Variants in ERG observed in about 807,000 individuals in gnomAD.
The protein encoded by ERG is transcriptional regulator ERG.
Under a neutral mutation model 55.3 loss-of-function variants are expected in ERG, and 9 were observed. The observed-to-expected ratio is 0.16, with a 90% CI of 0.10 to 0.28. The LOEUF (loss-of-function observed/expected upper bound fraction) is 0.28. Among genes scored for constraint, ERG ranks in the 10% least tolerant of loss-of-function variants. The pLI is 1.00. For synonymous variants in ERG, 223 were observed against 237.3 expected, an observed-to-expected ratio of 0.94 and a Z score of 0.55; for missense variants, 434 against 631.6, an observed-to-expected ratio of 0.69 and a Z score of 3.35.
At chr21:38,493,981 C>T (rs967202770) in intron 1 of ERG, among the ~76,000 whole-genome samples, 4 of 152,018 alleles carry the variant, frequency 2.6e-5, no homozygotes, top group East Asian at 3.9e-4. Context: ...GTTACATCCG[C>T]GGGGGGGCGT....
intron 1 of ERG, among the ~76,000 whole-genome samples, chr21:38,490,393 T>G (rs544617596): frequency 6.6e-6 from 1 of 152,356 alleles, no homozygotes; most frequent in Admixed American, 6.5e-5. Flanking sequence ...AGTTCTGGGC[T>G]CTTGCGACTT....
chr21:38,634,070 A>G (rs2060373602), intron 1 of ERG, among the ~76,000 whole-genome samples: 1 of 152,212 alleles, frequency 6.6e-6, no homozygotes, highest in African/African-American at 2.4e-5. Context: ...AACCAATATG[A>G]TAACTCTAAA....
At chr21:38,410,047 A>T (rs193226253) in intron 3 of ERG, among the ~76,000 whole-genome samples, 113 of 152,338 alleles carry the variant, frequency 7.4e-4, no homozygotes, top group Non-Finnish European at 4.9e-4. Context: ...AATTAAATGA[A>T]ATGTTAGGGG....
At chr21:38,628,629 G>C (rs2060339234) in intron 1 of ERG, among the ~76,000 whole-genome samples, 1 of 152,226 alleles carries the variant, frequency 6.6e-6, no homozygotes, top group South Asian at 2.1e-4. Context: ...GAGACCTGCT[G>C]TCTGGAACCT....
chr21:38,516,484 G>A (rs575943183), intron 2 of ERG, among the ~76,000 whole-genome samples: 2 of 151,820 alleles, frequency 1.3e-5, no homozygotes, highest in Admixed American at 1.3e-4. Context: ...CAAATGAAAA[G>A]ACACTGCATG....
At chr21:38,575,883 T>C (rs911035614) in intron 1 of ERG, 4 of 671,496 alleles carry the variant, frequency 6.0e-6, no homozygotes, top group Non-Finnish European at 1.0e-5. Flanking sequence ...CCTAAAGGCA[T>C]CCTCTAGGTA....
intron 2 of ERG, among the ~76,000 whole-genome samples, chr21:38,425,576 G>A (rs536339017): frequency 9.2e-4 from 140 of 152,168 alleles, no homozygotes; most frequent in African/African-American, 2.7e-3. Flanking sequence ...TGTCTAAGGC[G>A]GATTTCCAGA....
chr21:38,613,404 G>A (rs1377789085), intron 1 of ERG, among the ~76,000 whole-genome samples: 1 of 150,640 alleles, frequency 6.6e-6, no homozygotes, highest in African/African-American at 2.5e-5. Context: ...ACTAAAGCAC[G>A]CCCCCTGACC....
At chr21:38,579,657 C>T (rs377199289) in intron 1 of ERG, among the ~76,000 whole-genome samples, 4 of 152,290 alleles carry the variant, frequency 2.6e-5, no homozygotes, top group South Asian at 2.1e-4. Flanking sequence ...GCTTCTCACA[C>T]CGCCACCACC....
chr21:38,520,926 C>T (rs1211809149), intron 2 of ERG, among the ~76,000 whole-genome samples: 1 of 152,070 alleles, frequency 6.6e-6, no homozygotes, highest in Non-Finnish European at 1.5e-5. Flanking sequence ...GTTGAGATAT[C>T]AGTTGGGAGC....
chr21:38,536,472 T>C (rs1430118829), intron 2 of ERG, among the ~76,000 whole-genome samples: 4 of 152,178 alleles, frequency 2.6e-5, no homozygotes, highest in Non-Finnish European at 5.9e-5. Flanking sequence ...AGTGAAGCCC[T>C]CCTCTGGGAC....
intron 1 of ERG, among the ~76,000 whole-genome samples, chr21:38,604,484 TTAAA>T (rs2060185207): frequency 6.6e-6 from 1 of 152,202 alleles, no homozygotes; most frequent in African/African-American, 2.4e-5. Flanking sequence ...TTTTGAGTTT[TTAAA>T]TAATTGTTTA....
At chr21:38,613,340 T>C (rs2060239689) in intron 1 of ERG, among the ~76,000 whole-genome samples, 1 of 152,228 alleles carries the variant, frequency 6.6e-6, no homozygotes, top group African/African-American at 2.4e-5. Flanking sequence ...GTCTTCTAAG[T>C]GACTAGACTA....
intron 3 of ERG, among the ~76,000 whole-genome samples, chr21:38,406,006 T>G (rs1988745638): frequency 6.6e-6 from 1 of 151,350 alleles, no homozygotes; most frequent in Non-Finnish European, 1.5e-5. Context: ...CAAAAAAAAA[T>G]TAGTCGGGCA....
intron 2 of ERG, chr21:38,575,564 T>C (rs2059989628): frequency 2.3e-6 from 2 of 869,464 alleles, no homozygotes; most frequent in Non-Finnish European, 3.9e-6. Flanking sequence ...CTGGGCTGTG[T>C]TGACTGACCC....
At chr21:38,384,693 T>C (rs1987609794) in intron 9 of ERG, among the ~76,000 whole-genome samples, 1 of 152,184 alleles carries the variant, frequency 6.6e-6, no homozygotes, top group South Asian at 2.1e-4. Context: ...GGAAATGAAC[T>C]TCTAAAAGTT....
intron 2 of ERG, among the ~76,000 whole-genome samples, chr21:38,561,108 G>T (rs1046361373): frequency 6.6e-6 from 1 of 151,666 alleles, no homozygotes; most frequent in Non-Finnish European, 1.5e-5. Context: ...TATGTTGTTC[G>T]TTTGTTTTTA....
At chr21:38,611,819 G>C (rs2060229065) in intron 1 of ERG, among the ~76,000 whole-genome samples, 1 of 152,130 alleles carries the variant, frequency 6.6e-6, no homozygotes, top group African/African-American at 2.4e-5. Context: ...GCACGGAGTG[G>C]GCAGGCAATA....
chr21:38,537,718 T>C (rs2059721837), intron 2 of ERG, among the ~76,000 whole-genome samples: 1 of 152,110 alleles, frequency 6.6e-6, no homozygotes, highest in South Asian at 2.1e-4. Context: ...TATGCACTGG[T>C]GGTGGGAGAG....
Sources: allele counts gnomAD v4.1 joint callset (sites outside exome capture counted in the v4.1 genomes callset), GRCh38; gene constraint gnomAD v4.1.1; transcripts MANE v1.5; gene names NCBI Gene and HGNC (gene_info 2026-07-23, HGNC 2026-07-21).